Variants in PARM1 observed in about 807,000 individuals in gnomAD.
The protein encoded by PARM1 is WSC4, cell wall integrity and stress response component 4 homolog.
A neutral mutation model predicts 24.6 loss-of-function variants in PARM1; 14 were observed. That is an observed-to-expected ratio of 0.57 (90% CI 0.38 to 0.89). The LOEUF is 0.89. PARM1 is among the 40% of genes least tolerant of loss of function. The probability of loss-of-function intolerance (pLI) is 0.00; values close to 1 mark genes in which losing one functional copy is unlikely to be tolerated. For missense variants in PARM1, 362 were observed against 380.4 expected (o/e 0.95, Z 0.40); for synonymous variants, 179 against 156.6 (o/e 1.14, Z -1.07).
At chr4:74,983,733 C>T (rs1722302076) in intron 1 of PARM1, among the ~76,000 whole-genome samples, 3 of 152,176 alleles carry the variant, frequency 2.0e-5, no homozygotes, top group Non-Finnish European at 4.4e-5. Context: ...GTTTTGGACA[C>T]TCAATTATTA....
In PARM1 at chr4:75,048,666, G is replaced by C. The variant is rs1452869087; in HGVS notation, c.*2419G>C. The C allele has an allele frequency of 6.6e-6, 1 of 152,446 alleles. No homozygotes were observed. The highest frequency in any genetic ancestry group is 1.5e-5 in the Non-Finnish European group (1 of 68,006). The allele number at this position is 152,446 out of a possible 1,614,324, so 9.4% of individuals were successfully genotyped here. On this transcript the variant is annotated 3_prime_UTR_variant, in exon 4 of 4. Coordinates refer to ENST00000307428, the MANE Select transcript of PARM1 (RefSeq NM_015393.4). Reference sequence around the variant, plus strand: ...TTCTATAAACCGTGAACTCAAGCAGGCATTTTTTTTTTCTTACCGAAAGGC... The same window carrying C: ...TTCTATAAACCGTGAACTCAAGCAGCCATTTTTTTTTTCTTACCGAAAGGC...
In PARM1 at chr4:75,019,511, C is replaced by T. The variant is rs551573740; in HGVS notation, c.769+6361C>T. Among the ~76,000 whole-genome samples the T allele has an allele frequency of 2.6e-5, 4 of 152,332 alleles. No individual in the cohort carries two copies. In the East Asian group the frequency reaches 7.7e-4, roughly 29 times the overall value. ...GACCATTGAACATTAAATTGCTGAT[C>T]TGAACCCTAGTATTTATCCAGTATG... On this transcript the variant is annotated intron_variant, in intron 2 of 3. Coordinates refer to ENST00000307428, the MANE Select transcript of PARM1 (RefSeq NM_015393.4).
intron 1 of PARM1, among the ~76,000 whole-genome samples, chr4:75,011,269 T>C (rs1367676046): frequency 6.6e-6 from 1 of 152,108 alleles, no homozygotes; most frequent in Non-Finnish European, 1.5e-5. Context: ...CAGGGGATGT[T>C]GAAATAATAG....
chr4:74,950,923 A>G (rs1721510151), intron 1 of PARM1, among the ~76,000 whole-genome samples: 2 of 152,054 alleles, frequency 1.3e-5, no homozygotes, highest in South Asian at 4.2e-4. Context: ...CACTGTGACA[A>G]GCAGGAACAA....
chr4:75,039,946 C>T (rs1291241546), intron 3 of PARM1, among the ~76,000 whole-genome samples: 1 of 152,200 alleles, frequency 6.6e-6, no homozygotes, highest in African/African-American at 2.4e-5. Flanking sequence ...AGCCTTCATC[C>T]ACCTTTCCAT....
chr4:75,010,877 T>C (rs1228536330), intron 1 of PARM1, among the ~76,000 whole-genome samples: 1 of 152,112 alleles, frequency 6.6e-6, no homozygotes, highest in African/African-American at 2.4e-5. Flanking sequence ...TGAGGCCGGG[T>C]AATTTATAAA....
At chr4:74,979,841 G>A (rs894402024) in intron 1 of PARM1, among the ~76,000 whole-genome samples, 1 of 151,998 alleles carries the variant, frequency 6.6e-6, no homozygotes, top group African/African-American at 2.4e-5. Context: ...TTAAGTCATC[G>A]CATAAAGAGA....
chr4:74,976,759 T>A (rs1722144152), intron 1 of PARM1, among the ~76,000 whole-genome samples: 2 of 152,182 alleles, frequency 1.3e-5, no homozygotes. Flanking sequence ...ACCAGCCATG[T>A]TTGCTGTTCT....
At chr4:75,001,313 T>C (rs111826710) in intron 1 of PARM1, among the ~76,000 whole-genome samples, 7 of 152,326 alleles carry the variant, frequency 4.6e-5, no homozygotes, top group African/African-American at 1.4e-4. Flanking sequence ...GAGTTAGTAA[T>C]ACACATAGCA....
At chr4:75,005,134 T>C (rs1722746877) in intron 1 of PARM1, among the ~76,000 whole-genome samples, 1 of 152,196 alleles carries the variant, frequency 6.6e-6, no homozygotes, top group Non-Finnish European at 1.5e-5. Context: ...TTCACGATGG[T>C]GGCCGTAACA....
chr4:74,944,629 A>C (rs1721375986), intron 1 of PARM1, among the ~76,000 whole-genome samples: 1 of 152,198 alleles, frequency 6.6e-6, no homozygotes. Context: ...AAAGAATTGC[A>C]CATCAGCAAG....
intron 1 of PARM1, chr4:74,970,342 CTTCTT>C (rs2109994431): frequency 6.6e-6 from 1 of 152,240 alleles, no homozygotes; most frequent in South Asian, 2.1e-4. Flanking sequence ...TGGCTCTGTC[CTTCTT>C]TTCAAGTTTG....
Position 74,933,256 on chromosome 4 carries a change from G to A in PARM1, c.-72G>A. The A allele has an allele frequency of 1.5e-6, 2 of 1,369,016 alleles. No homozygotes were observed. Among genetic ancestry groups the A allele is most frequent in the Non-Finnish European group, 2.1e-6 (2 of 964,870 alleles). 84.8% of individuals were successfully genotyped at this position (1,369,016 alleles called of 1,614,324 possible). On this transcript the variant is annotated 5_prime_UTR_variant, in exon 1 of 4. Coordinates refer to ENST00000307428, the MANE Select transcript of PARM1 (RefSeq NM_015393.4). Reference sequence around the variant, plus strand: ...ACCCGGCAGAGGAGTCGCTACCAGCGCCCAGTGCGCTCTGTCAGTCCGCAA... The same window carrying A: ...ACCCGGCAGAGGAGTCGCTACCAGCACCCAGTGCGCTCTGTCAGTCCGCAA...
chr4:75,046,023 G>A, intron 3 of PARM1, 140 bp from the exon 4 acceptor site: 2 of 596,526 alleles, frequency 3.4e-6, no homozygotes, highest in African/African-American at 3.7e-5. Context: ...CGGTGGGTGG[G>A]TCTGCTGTCC....
chr4:74,934,616 A>G (rs1721137911), intron 1 of PARM1, among the ~76,000 whole-genome samples: 1 of 152,256 alleles, frequency 6.6e-6, no homozygotes, highest in Non-Finnish European at 1.5e-5. Context: ...GTCCGCGGAC[A>G]GTTCCCGAAT....
intron 1 of PARM1, among the ~76,000 whole-genome samples, chr4:74,973,679 A>AT (rs202169275): frequency 5.9e-5 from 9 of 151,824 alleles, no homozygotes; most frequent in Non-Finnish European, 1.0e-4. Context: ...TAAATAGACC[A>AT]TTTTTTTTAG....
In PARM1 at chr4:74,944,113, A is replaced by T. The variant is rs1022863670; in HGVS notation, c.43+10743A>T. The stretch of plus-strand genomic sequence containing the variant: ...TGATGTGGCTGGTGTTAAAATCCCC[A>T]AGGTTGGCATATCCCCCAGCTACAT... On this transcript the variant is annotated intron_variant, in intron 1 of 3. Coordinates refer to ENST00000307428, the MANE Select transcript of PARM1 (RefSeq NM_015393.4). Among the ~76,000 whole-genome samples, 5 of 152,306 alleles carry T rather than the reference A, an allele frequency of 3.3e-5. 1 individual carries two copies. The highest frequency in any genetic ancestry group is 3.3e-4 in the Admixed American group (5 of 15,300).
At chr4:75,015,178 G>C (rs1379670669) in intron 2 of PARM1, among the ~76,000 whole-genome samples, 1 of 152,120 alleles carries the variant, frequency 6.6e-6, no homozygotes. Context: ...TCTCTAAACT[G>C]ACACATCTAC....
intron 1 of PARM1, among the ~76,000 whole-genome samples, chr4:74,975,872 A>T (rs980493747): frequency 2.0e-5 from 3 of 152,156 alleles, no homozygotes; most frequent in African/African-American, 4.8e-5. Context: ...ATGGCAAGTA[A>T]ATCCTACACC....
Sources: gnomAD v4.1 joint callset for allele counts (sites outside exome capture counted in the v4.1 genomes callset) on GRCh38, gnomAD v4.1.1 for gene constraint, MANE v1.5 for transcripts, NCBI Gene and HGNC (gene_info 2026-07-23, HGNC 2026-07-21) for gene names.